VPS13B: variants seen among roughly 807,000 people sequenced by gnomAD.
The protein encoded by VPS13B is intermembrane lipid transfer protein VPS13B.
A neutral mutation model predicts 426.4 loss-of-function variants in VPS13B; 285 were observed. The ratio of observed to expected loss-of-function variants is 0.67; its 90% confidence interval spans 0.61 to 0.74. The LOEUF (loss-of-function observed/expected upper bound fraction) is 0.74. Among genes scored for constraint, VPS13B ranks in the 30% least tolerant of loss-of-function variants. VPS13B has a pLI of 0.00. For missense variants in VPS13B, 4,537 were observed against 4,782.6 expected (o/e 0.95, Z 1.51); for synonymous variants, 1,676 against 1,676.4 (o/e 1.00, Z 0.01).
chr8:99,173,988 G>A (rs1360819196), intron 16 of VPS13B, among the ~76,000 whole-genome samples: 1 of 152,072 alleles, frequency 6.6e-6, no homozygotes, highest in East Asian at 1.9e-4. Flanking sequence ...TCACATTGTT[G>A]TGCAGTAGTG....
intron 16 of VPS13B, among the ~76,000 whole-genome samples, chr8:99,175,474 A>C (rs1812579413): frequency 6.6e-6 from 1 of 152,216 alleles, no homozygotes; most frequent in African/African-American, 2.4e-5. Flanking sequence ...CAATATACAA[A>C]AATTTATTAT....
intron 33 of VPS13B, among the ~76,000 whole-genome samples, chr8:99,618,958 C>G (rs971488901): frequency 9.2e-5 from 14 of 152,114 alleles, no homozygotes; most frequent in African/African-American, 3.4e-4. Flanking sequence ...CTAACTCTCT[C>G]TGCTCTGCTG....
At chr8:99,162,535 G>A (rs919833945) in intron 15 of VPS13B, among the ~76,000 whole-genome samples, 1 of 152,002 alleles carries the variant, frequency 6.6e-6, no homozygotes, top group African/African-American at 2.4e-5. Context: ...CTGATGTTCA[G>A]ATGTATTTGG....
intron 38 of VPS13B, 59 bp downstream of exon 38, chr8:99,720,611 G>T (rs1588654488): frequency 6.5e-7 from 1 of 1,541,698 alleles, no homozygotes; most frequent in South Asian, 1.1e-5. Flanking sequence ...CATTTTAAAT[G>T]CATGTTGACT....
intron 30 of VPS13B, among the ~76,000 whole-genome samples, chr8:99,553,141 T>C (rs774187366): frequency 4.5e-4 from 68 of 152,154 alleles, no homozygotes; most frequent in Non-Finnish European, 4.3e-4. Flanking sequence ...CTGCAGGATT[T>C]AGCAGAAAAC....
At chr8:99,110,963 G>C in intron 5 of VPS13B, 135 bp from the exon 6 acceptor site, 1 of 605,146 alleles carries the variant, frequency 1.7e-6, no homozygotes, top group Non-Finnish European at 2.6e-6. Context: ...ATATGGTCTG[G>C]CATTATGTAT....
At position 99,743,566 on chromosome 8, in the gene VPS13B, C is replaced by T. The variant is rs551065780; in HGVS notation, c.7050+22519C>T. ...CTGGAGGTATCACGCTACCTGACTT[C>T]AAACTATACTACAAGGCTACAGTAA... On this transcript the variant is annotated intron_variant, in intron 39 of 61. Coordinates refer to ENST00000357162, the MANE Select transcript of VPS13B (RefSeq NM_152564.5). Among the ~76,000 whole-genome samples, 30 of 152,238 alleles carry T rather than the reference C, an allele frequency of 2.0e-4. 1 individual carries two copies. Among genetic ancestry groups the T allele is most frequent in the Admixed American group, 1.2e-3 (18 of 15,296 alleles).
intron 2 of VPS13B, among the ~76,000 whole-genome samples, chr8:99,023,630 G>A (rs191460831): frequency 1.2e-4 from 19 of 152,018 alleles, no homozygotes; most frequent in South Asian, 2.1e-4. Flanking sequence ...ACAGGTGCAC[G>A]CCACCACACC....
Position 99,161,922 on chromosome 8 carries a change from A to G in VPS13B, c.2208+5179A>G, listed in dbSNP as rs187520991. 4.1e-3 allele frequency among the ~76,000 whole-genome samples: 619 copies of G among 152,134 alleles called. 4 individuals carry two copies. Among genetic ancestry groups the G allele is most frequent in the Middle Eastern group, 0.014 (4 of 294 alleles). On this transcript the variant is annotated intron_variant, in intron 15 of 61. Transcript: ENST00000357162. ...TAATTTTTGTATTTTTAGTAGAGAC[A>G]GGGTCTCACCATGTTGACCAGGCTG... is the stretch of plus-strand genomic sequence containing the variant.
intron 13 of VPS13B, among the ~76,000 whole-genome samples, chr8:99,146,694 T>C (rs904287772): frequency 1.3e-5 from 2 of 152,126 alleles, no homozygotes; most frequent in Non-Finnish European, 2.9e-5. Flanking sequence ...TGCCTGAGCC[T>C]CCTGAGTTGC....
At chr8:99,867,396 C>T (rs1411595232) in intron 58 of VPS13B, among the ~76,000 whole-genome samples, 1 of 152,182 alleles carries the variant, frequency 6.6e-6, no homozygotes, top group Non-Finnish European at 1.5e-5. Flanking sequence ...GAGATGGATG[C>T]CCTGTGCTAC....
intron 36 of VPS13B, among the ~76,000 whole-genome samples, chr8:99,702,687 A>G (rs955241492): frequency 6.6e-6 from 1 of 151,750 alleles, no homozygotes; most frequent in African/African-American, 2.4e-5. Flanking sequence ...AGTCAAAAAC[A>G]CTGTGCAAAA....
chr8:99,749,157 C>A (rs1203646708), intron 39 of VPS13B, among the ~76,000 whole-genome samples: 1 of 151,936 alleles, frequency 6.6e-6, no homozygotes, highest in Admixed American at 6.6e-5. Flanking sequence ...TATTTTGATA[C>A]AGTCATACAA....
chr8:99,720,740 A>C, intron 38 of VPS13B, 123 bp from the exon 39 acceptor site: 3 of 1,124,794 alleles, frequency 2.7e-6, no homozygotes, highest in Non-Finnish European at 3.9e-6. Context: ...TCCAGAATAT[A>C]TATAAAAATG....
At chr8:99,513,563 T>C (rs1821905924) in intron 29 of VPS13B, among the ~76,000 whole-genome samples, 1 of 152,206 alleles carries the variant, frequency 6.6e-6, no homozygotes, top group African/African-American at 2.4e-5. Context: ...GATTCTCAAA[T>C]TTTATGATGT....
intron 56 of VPS13B, among the ~76,000 whole-genome samples, chr8:99,854,980 A>T (rs895059290): frequency 1.3e-5 from 2 of 152,196 alleles, no homozygotes; most frequent in African/African-American, 4.8e-5. Context: ...TCAGGGACTC[A>T]GTGGGAAAAG....
intron 14 of VPS13B, among the ~76,000 whole-genome samples, chr8:99,149,439 T>C (rs926382073): frequency 6.6e-6 from 1 of 152,142 alleles, no homozygotes; most frequent in Admixed American, 6.5e-5. Context: ...TGTCTCAGGC[T>C]TCTGAGTAGC....
chr8:99,257,581 CACA>C (rs1817818699), intron 17 of VPS13B, among the ~76,000 whole-genome samples: 1 of 152,180 alleles, frequency 6.6e-6, no homozygotes, highest in South Asian at 2.1e-4. Context: ...CACACACACA[CACA>C]CGATGTTTAA....
chr8:99,832,714 A>AC, intron 52 of VPS13B, 62 bp downstream of exon 52: 2 of 1,556,690 alleles, frequency 1.3e-6, no homozygotes, highest in Non-Finnish European at 1.8e-6. Context: ...GTTCATCTAG[A>AC]TGCCAAGAGA....
Sources: gnomAD v4.1 joint callset for allele counts (sites outside exome capture counted in the v4.1 genomes callset) on GRCh38, gnomAD v4.1.1 for gene constraint, MANE v1.5 for transcripts, NCBI Gene and HGNC (gene_info 2026-07-23, HGNC 2026-07-21) for gene names.